CYP2D6: variants seen among roughly 807,000 people sequenced by gnomAD.
The protein encoded by CYP2D6 is cytochrome P450 family 2 subfamily D member 6 (gene/pseudogene).
A neutral mutation model predicts 43.5 loss-of-function variants in CYP2D6; 51 were observed. That is an observed-to-expected ratio of 1.17 (90% CI 0.94 to 1.48). The LOEUF is 1.48. Among genes scored for constraint, CYP2D6 ranks in the 40% most tolerant of loss-of-function variants. The pLI is 0.00. For synonymous variants in CYP2D6, 346 were observed against 297.1 expected (o/e 1.16, Z -1.69); for missense variants, 698 against 688.0 (o/e 1.01, Z -0.16).
Position 42,130,376 on chromosome 22 carries a change from A to G in CYP2D6, c.180+236T>C, listed in dbSNP as rs1427814243. The G allele has an allele frequency of 1.8e-5, 11 of 606,772 alleles. No individual in the cohort carries two copies. The East Asian group carries it at 3.0e-4, about 17-fold the overall frequency. 37.6% of individuals were successfully genotyped at this position (606,772 alleles called of 1,614,324 possible). A position where few individuals can be genotyped will look rare whatever the true frequency, so the allele number is the denominator to read the frequency against. ...AACATATGTTGCCCAATGGGCTTGC[A>G]TGCCCACTGCCAAGTCCAGCTCCAC... On this transcript the variant is annotated intron_variant, in intron 1 of 8. Transcript: ENST00000645361.
In CYP2D6 at chr22:42,128,349, A is replaced by G; in HGVS notation, c.668T>C (p.Val223Ala). ...LKEESGFLRE[V>A]LNAVPVLLHI... ...CAGGAGGACGGGGACAGCATTCAGC[A>G]CCTACACCAGACAGAACGGGGTCTC... is the stretch of plus-strand genomic sequence containing the variant. The change falls in exon 5 of 9, where the codon GTG becomes GCG. Residue 223 changes from valine (V) to alanine (A), a missense_variant and splice_region_variant. This residue lies in a region of CYP2D6 where 588 missense variants were observed against 521.1 expected (regional missense o/e 1.13). Transcript: ENST00000645361. 1.2e-6 allele frequency: 2 copies of G among 1,609,876 alleles called. No individual in the cohort carries two copies. The highest frequency in any genetic ancestry group is 2.2e-5 in the East Asian group (1 of 44,704).
At chr22:42,127,693 C>T in intron 6 of CYP2D6, 59 bp from the exon 7 acceptor site, 4 of 1,583,732 alleles carry the variant, frequency 2.5e-6, no homozygotes, top group African/African-American at 1.4e-5. Flanking sequence ...CCCTGACACT[C>T]CTTCTTGCCT....
chr22:42,129,652 C>A, intron 2 of CYP2D6, 86 bp downstream of exon 2: 2 of 1,557,342 alleles, frequency 1.3e-6, no homozygotes, highest in Non-Finnish European at 1.8e-6. Context: ...TGTCCACGAC[C>A]CCGCGCCCTC....
chr22:42,129,639 T>C lies in CYP2D6; in HGVS notation c.352+99A>G, dbSNP rs1159754495. 4.9e-5 allele frequency: 74 copies of C among 1,511,570 alleles called. 1 individual carries two copies. The highest frequency in any genetic ancestry group is 1.5e-4 in the Admixed American group (9 of 58,818). 93.6% of individuals were successfully genotyped at this position (1,511,570 alleles called of 1,614,324 possible). A position where few individuals can be genotyped will look rare whatever the true frequency, so the allele number is the denominator to read the frequency against. On this transcript the variant is annotated intron_variant, in intron 2 of 8. Transcript: ENST00000645361. The stretch of plus-strand genomic sequence containing the variant: ...CGCTGTCCCCACTCGCTGGCCTGTT[T>C]CATGTCCACGACCCCGCGCCCTCTC...
In CYP2D6 at chr22:42,128,961, C is replaced by T. The variant is rs554875652; in HGVS notation, c.506-17G>A. On this transcript the variant is annotated splice_polypyrimidine_tract_variant and intron_variant, in intron 3 of 8. Coordinates refer to ENST00000645361, the MANE Select transcript of CYP2D6 (RefSeq NM_000106.6). ...AGGGGCGTCCTGGGGGTGGGAGATGCGGGTAAGGGGTCGCCTTCCCCGTCC... is the reference window on the plus strand; with the variant it reads ...AGGGGCGTCCTGGGGGTGGGAGATGTGGGTAAGGGGTCGCCTTCCCCGTCC... The T allele has an allele frequency of 1.9e-6, 3 of 1,582,708 alleles. No individual in the cohort carries two copies. Among genetic ancestry groups the T allele is most frequent in the South Asian group, 1.1e-5 (1 of 87,210 alleles).
In CYP2D6 at chr22:42,128,241, CT is replaced by C. The variant is rs35742686; in HGVS notation, c.775del (p.Arg259GlyfsTer2). 0.015 allele frequency: 24,405 copies of C among 1,610,668 alleles called. 957 individuals carry two copies. Among genetic ancestry groups the C allele is most frequent in the Non-Finnish European group, 0.017 (20,614 of 1,178,064 alleles). ...GGGCTGGGCTGGGTCCCAGGTCATC[CT>C]GTGCTCAGTTAGCAGCTCATCCAGC... Reference protein sequence around the residue: ...TQLDELLTEHRMTWDPAQPPR... With the variant: ...TQLDELLTEHXMTWDPAQPPR... On this transcript the variant is annotated frameshift_variant, in exon 5 of 9. Transcript: ENST00000645361. LOFTEE classifies it high-confidence loss of function.
chr22:42,129,066 C>T lies in CYP2D6; in HGVS notation c.472G>A (p.Ala158Thr), dbSNP rs753420321. Reference protein sequence around the residue: ...SLEQWVTEEAACLCAAFANHS... With the variant: ...SLEQWVTEEATCLCAAFANHS... ...TTGGCGAAGGCGGCACAAAGGCAGG[C>T]GGCCTCCTCGGTCACCCACTGCTCC... The change falls in exon 3 of 9, where the codon GCC becomes ACC. Residue 158 changes from alanine (A) to threonine (T), a missense_variant. Ala to Thr is a moderately conservative substitution (Grantham distance 58). Coordinates refer to ENST00000645361, the MANE Select transcript of CYP2D6 (RefSeq NM_000106.6). The T allele has an allele frequency of 4.4e-6, 7 of 1,608,112 alleles. No homozygotes were observed. The East Asian group carries it at 1.6e-4, about 36-fold the overall frequency.
intron 6 of CYP2D6, 79 bp downstream of exon 6, chr22:42,127,763 G>T: frequency 2.5e-6 from 4 of 1,581,616 alleles, no homozygotes; most frequent in Non-Finnish European, 3.5e-6. Context: ...TGGAGCCCCG[G>T]GTGTCCCAGC....
chr22:42,129,115 G>A lies in CYP2D6; in HGVS notation c.423C>T (p.Asn141=), dbSNP rs1355380100. The change falls in exon 3 of 9, where the codon AAC becomes AAT. Residue 141 remains asparagine (N), a synonymous_variant. Coordinates refer to ENST00000645361, the MANE Select transcript of CYP2D6 (RefSeq NM_000106.6). ...QRRFSVSTLR[N]LGLGKKSLEQ... ...CCAGCGACTTCTTGCCCAGGCCCAA[G>A]TTGCGCAAGGTGGACACGGAGAAGC... The A allele has an allele frequency of 3.7e-6, 6 of 1,610,648 alleles. No homozygotes were observed. The highest frequency in any genetic ancestry group is 3.3e-5 in the South Asian group (3 of 90,890).
chr22:42,129,757 A>G lies in CYP2D6; in HGVS notation c.333T>C (p.Gly111=), dbSNP rs1135821. The G allele has an allele frequency of 3.7e-4, 602 of 1,608,820 alleles. 22 individuals carry two copies. In the Admixed American group the frequency reaches 6.0e-3, roughly 16 times the overall value. ...GCTTGCCTTGGGAACGCGGCCCGAAACCCAGGATCTGGGTGATGGGCACAG... is the reference window on the plus strand; with the variant it reads ...GCTTGCCTTGGGAACGCGGCCCGAAGCCCAGGATCTGGGTGATGGGCACAG... ...RPPVPITQIL[G]FGPRSQGVFL... The change falls in exon 2 of 9, where the codon GGT becomes GGC. Residue 111 remains glycine (G), a synonymous_variant. Coordinates refer to ENST00000645361, the MANE Select transcript of CYP2D6 (RefSeq NM_000106.6).
chr22:42,127,355 G>T, intron 7 of CYP2D6, 92 bp downstream of exon 7: 1 of 1,299,690 alleles, frequency 7.7e-7, no homozygotes, highest in Non-Finnish European at 1.1e-6. Context: ...AGGTGGCCAG[G>T]GTTCCTAGAG....
Position 42,130,648 on chromosome 22 carries a change from A to G in CYP2D6, c.144T>C (p.His48=). 2 of 1,608,376 alleles carry G rather than the reference A, an allele frequency of 1.2e-6. No individual in the cohort carries two copies. Among genetic ancestry groups the G allele is most frequent in the Non-Finnish European group, 8.5e-7 (1 of 1,177,160 alleles). ...AGTATGGTGTGTTCTGGAAGTCCACATGCAGCAGGTTGCCCAGCCCGGGCA... is the reference window on the plus strand; with the variant it reads ...AGTATGGTGTGTTCTGGAAGTCCACGTGCAGCAGGTTGCCCAGCCCGGGCA... ...LPLPGLGNLL[H]VDFQNTPYCF... Residue 48 remains histidine, a synonymous_variant, in exon 1 of 9, where the codon CAT becomes CAC. Coordinates refer to ENST00000645361, the MANE Select transcript of CYP2D6 (RefSeq NM_000106.6).
At position 42,128,982 on chromosome 22, in the gene CYP2D6, C is replaced by T. The variant is rs777921228; in HGVS notation, c.506-38G>A. The T allele has an allele frequency of 6.9e-6, 11 of 1,584,476 alleles. 1 individual carries two copies. The highest frequency in any genetic ancestry group is 4.6e-5 in the South Asian group (4 of 87,396). ...GATGCGGGTAAGGGGTCGCCTTCCC[C>T]GTCCCCCGCCTTCCCAGTTCCCGCT... is the stretch of plus-strand genomic sequence containing the variant. On this transcript the variant is annotated intron_variant, in intron 3 of 8. Coordinates refer to ENST00000645361, the MANE Select transcript of CYP2D6 (RefSeq NM_000106.6).
Position 42,129,937 on chromosome 22 carries a change from T to G in CYP2D6, c.181-28A>C, listed in dbSNP as rs749726036. The G allele has an allele frequency of 1.3e-4, 193 of 1,523,468 alleles. 8 individuals are homozygous for G. The highest frequency in any genetic ancestry group is 1.6e-4 in the Non-Finnish European group (183 of 1,133,950). The allele number at this position is 1,523,468 out of a possible 1,614,324, so 94.4% of individuals were successfully genotyped here. On this transcript the variant is annotated intron_variant, in intron 1 of 8. Coordinates refer to ENST00000645361, the MANE Select transcript of CYP2D6 (RefSeq NM_000106.6). ...GCAGAGGGAGGGTCAGGGCCTCTTG[T>G]CAAGCCAGGATCACCCCAGACTACA...
Position 42,126,917 on chromosome 22 carries a change from G to A in CYP2D6, c.1249C>T (p.Pro417Ser). Residue 417 changes from proline to serine, a missense_variant, in exon 8 of 9, where the codon CCC becomes TCC. Physicochemically the swap from Pro to Ser is moderately conservative, Grantham distance 74. Around this residue, in one of 5 missense-constraint regions of CYP2D6, gnomAD observed 9 missense variants for 38.0 expected, o/e 0.24. Coordinates refer to ENST00000645361, the MANE Select transcript of CYP2D6 (RefSeq NM_000106.6). The part of the protein sequence containing the change: ...AVWEKPFRFH[P>S]EHFLDAQGHF... ...CCCTGGGCATCCAGGAAGTGTTCGGGGTGGAAGCGGAAGGGCTTCTCCCAG... is the reference window on the plus strand; with the variant it reads ...CCCTGGGCATCCAGGAAGTGTTCGGAGTGGAAGCGGAAGGGCTTCTCCCAG... 6.2e-7 allele frequency: 1 copy of A among 1,606,318 alleles called. No homozygotes were observed. Among genetic ancestry groups the A allele is most frequent in the Non-Finnish European group, 8.5e-7 (1 of 1,176,056 alleles).
At position 42,128,997 on chromosome 22, in the gene CYP2D6, C is replaced by CA; in HGVS notation, c.505+35dup. On this transcript the variant is annotated intron_variant, in intron 3 of 8. Transcript: ENST00000645361. ...TCGCCTTCCCCGTCCCCCGCCTTCC[C>CA]AGTTCCCGCTTTGTGCCCTTCTGCC... is the stretch of plus-strand genomic sequence containing the variant. The CA allele has an allele frequency of 2.5e-6, 4 of 1,593,954 alleles. 1 individual carries two copies. In the South Asian group the frequency reaches 4.5e-5, roughly 18 times the overall value.
In CYP2D6 at chr22:42,128,915, C is replaced by T. The variant is rs764477422; in HGVS notation, c.535G>A (p.Asp179Asn). 3.3e-5 allele frequency: 53 copies of T among 1,594,008 alleles called. 2 individuals are homozygous for T. The South Asian group carries it at 6.0e-4, about 18-fold the overall frequency. The change falls in exon 4 of 9, where the codon GAC (aspartate) becomes AAC (asparagine). Residue 179 changes from aspartate to asparagine, a missense_variant. Asp to Asn is a conservative substitution (Grantham distance 23, BLOSUM62 1). This residue lies in a region of CYP2D6 where 588 missense variants were observed against 521.1 expected (regional missense o/e 1.13). Coordinates refer to ENST00000645361, the MANE Select transcript of CYP2D6 (RefSeq NM_000106.6). ...GCGATCACGTTGCTCACGGCTTTGT[C>T]CAAGAGACCGTTGGGGCGAAAGGGG... ...GRPFRPNGLL[D>N]KAVSNVIASL... is the part of the protein sequence containing the mutation.
At chr22:42,129,269 T>C in intron 2 of CYP2D6, 84 bp from the exon 3 acceptor site, 4 of 1,505,692 alleles carry the variant, frequency 2.7e-6, no homozygotes, top group Non-Finnish European at 3.6e-6. Flanking sequence ...ATGCTCCCCC[T>C]GGTCTCCCGC....
rs753365216 is a variant in CYP2D6, at chr22:42,128,326, G to C, written c.691C>G (p.Leu231Val). The change falls in exon 5 of 9, where the codon CTG becomes GTG. Residue 231 changes from leucine to valine, a missense_variant. Physicochemically the swap from Leu to Val is conservative, Grantham distance 32 (BLOSUM62 1). Around this residue, in one of 5 missense-constraint regions of CYP2D6, gnomAD observed 588 missense variants for 521.1 expected, o/e 1.13. Transcript: ENST00000645361. ...TTGCCAGCCAGCGCTGGGATATGCA[G>C]GAGGACGGGGACAGCATTCAGCACC... ...REVLNAVPVL[L>V]HIPALAGKVL... The C allele has an allele frequency of 6.2e-7, 1 of 1,610,580 alleles. No homozygotes were observed. Among genetic ancestry groups the C allele is most frequent in the South Asian group, 1.1e-5 (1 of 90,878 alleles).
Sources: allele counts gnomAD v4.1 joint callset, GRCh38; gene constraint gnomAD v4.1.1; regional missense constraint gnomAD v4.1.1; transcripts MANE v1.5; gene names NCBI Gene and HGNC (gene_info 2026-07-23, HGNC 2026-07-21).